Variants in RSPH1 observed in about 807,000 individuals in gnomAD.
RSPH1 encodes the protein radial spoke head component 1, also known as radial spoke head 1 homolog.
A neutral mutation model predicts 44.2 loss-of-function variants in RSPH1; 32 were observed. The ratio of observed to expected loss-of-function variants is 0.72; its 90% CI spans 0.55 to 0.97. RSPH1 has a LOEUF of 0.97. RSPH1 is among the 50% of genes least tolerant of loss of function. RSPH1 has a pLI of 0.00. For missense variants in RSPH1, 391 were observed against 398.7 expected, an observed-to-expected ratio of 0.98 and a Z score of 0.16; for synonymous variants, 134 against 147.3, an observed-to-expected ratio of 0.91 and a Z score of 0.65.
At chr21:42,477,681 G>A (rs1279216592) in intron 6 of RSPH1, among the ~76,000 whole-genome samples, 3 of 152,204 alleles carry the variant, frequency 2.0e-5, no homozygotes, top group South Asian at 2.1e-4. Flanking sequence ...GCAATGCTGG[G>A]CCAGCGAGCT....
chr21:42,481,828 G>C (rs144820063), intron 6 of RSPH1, among the ~76,000 whole-genome samples: 2 of 152,112 alleles, frequency 1.3e-5, no homozygotes, highest in Non-Finnish European at 2.9e-5. Flanking sequence ...GCCTTATAAC[G>C]GCAATATTAG....
intron 1 of RSPH1, among the ~76,000 whole-genome samples, chr21:42,494,665 G>A (rs1226060216): frequency 6.6e-6 from 1 of 152,006 alleles, no homozygotes; most frequent in African/African-American, 2.4e-5. Context: ...GTCAAGTGTT[G>A]CAGGTTGGGT....
chr21:42,489,649 G>A (rs761539658), intron 3 of RSPH1, among the ~76,000 whole-genome samples: 2 of 152,208 alleles, frequency 1.3e-5, no homozygotes, highest in African/African-American at 2.4e-5. Context: ...GAAACACTCG[G>A]TGTCAGACCC....
chr21:42,486,862 G>T (rs2054186163), intron 3 of RSPH1, among the ~76,000 whole-genome samples: 1 of 152,216 alleles, frequency 6.6e-6, no homozygotes, highest in Admixed American at 6.5e-5. Context: ...ATGCAACGAG[G>T]AGGGAGACAA....
intron 5 of RSPH1, among the ~76,000 whole-genome samples, chr21:42,483,300 C>T (rs532163529): frequency 1.5e-4 from 23 of 151,264 alleles, no homozygotes; most frequent in East Asian, 5.8e-4. Flanking sequence ...ACTTTATGTA[C>T]GCTTTTGATA....
chr21:42,493,957 G>T (rs546777025), intron 1 of RSPH1, among the ~76,000 whole-genome samples: 5 of 152,148 alleles, frequency 3.3e-5, no homozygotes, highest in Non-Finnish European at 7.3e-5. Flanking sequence ...TCACTATATT[G>T]CCCTGGCTGG....
At chr21:42,496,059 C>T (rs550463611) in intron 1 of RSPH1, 74 bp downstream of exon 1, 4 of 1,566,716 alleles carry the variant, frequency 2.6e-6, no homozygotes, top group African/African-American at 2.7e-5. Flanking sequence ...CGCCTCCTCA[C>T]TCTCCAAACC....
At chr21:42,476,653 C>T (rs1323265408) in intron 7 of RSPH1, among the ~76,000 whole-genome samples, 1 of 152,110 alleles carries the variant, frequency 6.6e-6, no homozygotes, top group Non-Finnish European at 1.5e-5. Flanking sequence ...GCTGTCAGTG[C>T]CAGCCCGGGG....
chr21:42,486,758 C>A (rs1380745893), intron 3 of RSPH1, among the ~76,000 whole-genome samples: 4 of 152,150 alleles, frequency 2.6e-5, no homozygotes, highest in African/African-American at 7.2e-5. Context: ...GTCAGGAGTT[C>A]ACGGGGTACA....
At chr21:42,493,220 C>T (rs931289979) in intron 1 of RSPH1, 141 bp from the exon 2 acceptor site, 32 of 749,610 alleles carry the variant, frequency 4.3e-5, no homozygotes, top group Non-Finnish European at 6.6e-5. Context: ...CCACCTTTCC[C>T]ACCTTAAAGT....
At position 42,474,574 on chromosome 21, in the gene RSPH1, T is replaced by C. The variant is rs1333119262; in HGVS notation, c.877+1324A>G. 1.3e-5 allele frequency among the ~76,000 whole-genome samples: 2 copies of C among 152,256 alleles called. No homozygotes were observed. The highest frequency in any genetic ancestry group is 3.8e-4 in the East Asian group (2 of 5,204). On this transcript the variant is annotated intron_variant, in intron 8 of 8. Coordinates refer to ENST00000291536, the MANE Select transcript of RSPH1 (RefSeq NM_080860.4). This position sits in a 1 kb window ranked among gnomAD's most constrained non-coding sequence, Gnocchi z 5.2. ...GACATCTGTGGGCACAGCTAGATGC[T>C]GCTGTAACACTGTGCATACTCTAGC...
chr21:42,479,992 A>G (rs1051305986), intron 6 of RSPH1, among the ~76,000 whole-genome samples: 26 of 152,146 alleles, frequency 1.7e-4, no homozygotes, highest in Non-Finnish European at 2.8e-4. Context: ...GGTTCCTTTT[A>G]GCTGGAGCAA....
intron 3 of RSPH1, among the ~76,000 whole-genome samples, chr21:42,487,015 A>G (rs974663026): frequency 6.6e-6 from 1 of 151,964 alleles, no homozygotes. Flanking sequence ...CTCCCACCCA[A>G]TCATCTGACT....
In RSPH1 at chr21:42,487,126, T is replaced by C. The variant is rs1279770752; in HGVS notation, c.275-665A>G. ...CACCTCCTCACCTCCATACGGCTTC[T>C]GCTAAGTCCTTATAGGCTTGGTAGG... On this transcript the variant is annotated intron_variant, in intron 3 of 8. Coordinates refer to ENST00000291536, the MANE Select transcript of RSPH1 (RefSeq NM_080860.4). 3.2e-4 allele frequency among the ~76,000 whole-genome samples: 49 copies of C among 152,210 alleles called. 1 individual carries two copies. Among genetic ancestry groups the C allele is most frequent in the Non-Finnish European group, 7.3e-5 (5 of 68,038 alleles).
At chr21:42,479,013 T>A (rs961690190) in intron 6 of RSPH1, among the ~76,000 whole-genome samples, 1 of 152,244 alleles carries the variant, frequency 6.6e-6, no homozygotes, top group African/African-American at 2.4e-5. Flanking sequence ...AGTTTCTGTC[T>A]GGGATAACGG....
intron 5 of RSPH1, among the ~76,000 whole-genome samples, chr21:42,483,895 T>C (rs887599265): frequency 6.6e-6 from 1 of 152,226 alleles, no homozygotes; most frequent in Non-Finnish European, 1.5e-5. Flanking sequence ...TCTTGACTCC[T>C]CCCATCATCC....
rs1043807 is a variant in RSPH1 at position 42,472,765 on chromosome 21, G to A, written c.*53C>T. 127,769 of 1,405,072 alleles carry A rather than the reference G, an allele frequency of 0.091. 6,873 individuals are homozygous for A. The highest frequency in any genetic ancestry group is 0.2 in the Middle Eastern group (1,135 of 5,612). 87.0% of individuals were successfully genotyped at this position (1,405,072 alleles called of 1,614,324 possible). A position where few individuals can be genotyped will look rare whatever the true frequency, so the allele number is the denominator to read the frequency against. On this transcript the variant is annotated 3_prime_UTR_variant, in exon 9 of 9. Transcript: ENST00000291536. ...ACTAGATACACACAGCACTGCACCC[G>A]GCTAACGACAGAAGCATTCTTATGA...
At chr21:42,484,956 C>T (rs956348635) in intron 5 of RSPH1, 1 of 152,178 alleles carries the variant, frequency 6.6e-6, no homozygotes, top group Non-Finnish European at 1.5e-5. Context: ...TAAACATTCC[C>T]TCTGTCAACT....
intron 1 of RSPH1, 144 bp downstream of exon 1, chr21:42,495,989 G>A (rs1233910156): frequency 2.5e-6 from 2 of 809,580 alleles, no homozygotes; most frequent in Non-Finnish European, 4.1e-6. Flanking sequence ...GGTGTGTCTG[G>A]CGTGGCCTTC....
Sources: allele counts gnomAD v4.1 joint callset (sites outside exome capture counted in the v4.1 genomes callset), GRCh38; gene constraint gnomAD v4.1.1; non-coding constraint Gnocchi (gnomAD v3.1); transcripts MANE v1.5; gene names NCBI Gene and HGNC (gene_info 2026-07-23, HGNC 2026-07-21).